METTL15: variants seen among roughly 807,000 people sequenced by gnomAD.
The protein encoded by METTL15 is methyltransferase 15, mitochondrial 12S rRNA N4-cytidine.
Under a neutral mutation model 38.3 loss-of-function variants are expected in METTL15, and 34 were observed. The observed-to-expected ratio is 0.89, with a 90% CI of 0.68 to 1.18. METTL15 has a LOEUF of 1.18. Among genes scored for constraint, METTL15 ranks in the 50% most tolerant of loss-of-function variants. METTL15 has a pLI of 0.00. For missense variants in METTL15, 438 were observed against 498.4 expected (o/e 0.88, Z 1.15); for synonymous variants, 162 against 170.9 (o/e 0.95, Z 0.41).
chr11:28,373,147 G>T (rs904672604), intron 5 of METTL15, among the ~76,000 whole-genome samples: 88 of 152,202 alleles, frequency 5.8e-4, no homozygotes, highest in African/African-American at 2.1e-3. Flanking sequence ...GTAATGGGAT[G>T]GCTGGGTCAA....
chr11:28,353,879 T>C (rs928493609), intron 4 of METTL15, among the ~76,000 whole-genome samples: 6 of 144,156 alleles, frequency 4.2e-5, no homozygotes, highest in Middle Eastern at 3.8e-3. Flanking sequence ...GAGCCGAGAT[T>C]GCGCCACTGC....
intron 6 of METTL15, among the ~76,000 whole-genome samples, chr11:28,298,497 T>A (rs1856813629): frequency 6.6e-6 from 1 of 152,114 alleles, no homozygotes; most frequent in Non-Finnish European, 1.5e-5. Flanking sequence ...AGCTCATGAA[T>A]TTAAGGCATA....
intron 4 of METTL15, among the ~76,000 whole-genome samples, chr11:28,355,137 G>A (rs967227648): frequency 3.9e-5 from 6 of 152,182 alleles, no homozygotes; most frequent in African/African-American, 1.4e-4. Flanking sequence ...ACTACACAAA[G>A]ACAAGGCTCA....
At chr11:28,220,901 C>T (rs1853178809) in intron 4 of METTL15, among the ~76,000 whole-genome samples, 1 of 152,226 alleles carries the variant, frequency 6.6e-6, no homozygotes, top group African/African-American at 2.4e-5. Context: ...CCACTCTCTT[C>T]TGGCTTGTAG....
chr11:28,238,697 G>A (rs893433099), intron 4 of METTL15, among the ~76,000 whole-genome samples: 3 of 152,190 alleles, frequency 2.0e-5, no homozygotes, highest in Non-Finnish European at 4.4e-5. Flanking sequence ...CGTCTCCTGC[G>A]TCGCTCACGC....
intron 3 of METTL15, among the ~76,000 whole-genome samples, chr11:28,117,539 T>G (rs1428968354): frequency 1.3e-5 from 2 of 151,906 alleles, no homozygotes; most frequent in African/African-American, 4.8e-5. Context: ...TAAAATTAGA[T>G]AATTCTACAA....
chr11:28,347,502 C>A (rs987691706), intron 3 of METTL15, among the ~76,000 whole-genome samples: 15 of 152,206 alleles, frequency 9.9e-5, no homozygotes, highest in African/African-American at 3.4e-4. Context: ...TAAACTCCTT[C>A]TGTATTCAAT....
At chr11:28,374,992 A>G (rs1167818307) in intron 5 of METTL15, among the ~76,000 whole-genome samples, 2 of 151,218 alleles carry the variant, frequency 1.3e-5, no homozygotes, top group Non-Finnish European at 1.5e-5. Flanking sequence ...ATATTGAACC[A>G]GCCTTGCATC....
chr11:28,214,733 G>A (rs1490280076), intron 4 of METTL15, among the ~76,000 whole-genome samples: 1 of 152,102 alleles, frequency 6.6e-6, no homozygotes, highest in African/African-American at 2.4e-5. Flanking sequence ...AATATTTTTT[G>A]AAGGTCTGAC....
At position 28,185,866 on chromosome 11, in the gene METTL15, G is replaced by A. The variant is rs1851474604; in HGVS notation, c.271-25196G>A. On this transcript the variant is annotated intron_variant, in intron 3 of 6. Transcript: ENST00000407364. Reference sequence around the variant, plus strand: ...TTTTCATGGAGTTTCTGATGTATTTGGGGAGATATAATTAATATATAAATA... The same window carrying A: ...TTTTCATGGAGTTTCTGATGTATTTAGGGAGATATAATTAATATATAAATA... Among the ~76,000 whole-genome samples the A allele has an allele frequency of 2.7e-5, 4 of 149,464 alleles. No individual in the cohort carries two copies. The South Asian group carries it at 8.4e-4, about 31-fold the overall frequency.
intron 4 of METTL15, among the ~76,000 whole-genome samples, chr11:28,285,903 T>C (rs1856242584): frequency 6.6e-6 from 1 of 152,114 alleles, no homozygotes; most frequent in Non-Finnish European, 1.5e-5. Context: ...TTGTGACTTG[T>C]GCCAATTTCT....
At position 28,239,052 on chromosome 11, in the gene METTL15, A is replaced by T. The variant is rs755141624; in HGVS notation, c.407+27854A>T. 2.6e-5 allele frequency among the ~76,000 whole-genome samples: 4 copies of T among 151,842 alleles called. No homozygotes were observed. The South Asian group carries it at 6.2e-4, about 24-fold the overall frequency. On this transcript the variant is annotated intron_variant, in intron 4 of 6. Coordinates refer to ENST00000407364, the MANE Select transcript of METTL15 (RefSeq NM_001113528.2). ...TTTGTTCTTCTTCAGGGCTCATTCTACAGGCCTCTTTTCTATTTACACTCA... is the reference window on the plus strand; with the variant it reads ...TTTGTTCTTCTTCAGGGCTCATTCTTCAGGCCTCTTTTCTATTTACACTCA...
chr11:28,292,629 G>A lies in METTL15; in HGVS notation c.599+2232G>A, dbSNP rs573907270. ...TGTAGTTCTAGATGCCTGAGGAATC[G>A]CCACACTGACTTCTAAAATGGTTGA... On this transcript the variant is annotated intron_variant, in intron 5 of 6. Transcript: ENST00000407364. Among the ~76,000 whole-genome samples the A allele has an allele frequency of 5.3e-5, 8 of 152,166 alleles. No individual in the cohort carries two copies. The South Asian group carries it at 1.5e-3, about 28-fold the overall frequency.
intron 3 of METTL15, among the ~76,000 whole-genome samples, chr11:28,338,881 A>G (rs1262053265): frequency 6.6e-6 from 1 of 152,128 alleles, no homozygotes; most frequent in Non-Finnish European, 1.5e-5. Flanking sequence ...TAAGAAATCT[A>G]GGTGAAAGCA....
intron 3 of METTL15, among the ~76,000 whole-genome samples, chr11:28,119,626 G>A (rs893103557): frequency 2.0e-5 from 3 of 152,118 alleles, no homozygotes; most frequent in Non-Finnish European, 4.4e-5. Flanking sequence ...CCTATTTTAA[G>A]TTATAATGTT....
At chr11:28,296,706 C>A in intron 5 of METTL15, 47 bp from the exon 6 acceptor site, 1 of 1,595,648 alleles carries the variant, frequency 6.3e-7, no homozygotes. Flanking sequence ...CACGTCTTGT[C>A]AATGAGAACT....
intron 4 of METTL15, among the ~76,000 whole-genome samples, chr11:28,224,382 C>T (rs1436990578): frequency 6.6e-6 from 1 of 151,796 alleles, no homozygotes; most frequent in Non-Finnish European, 1.5e-5. Context: ...TATCTTTCCA[C>T]TTATTCTGGT....
At chr11:28,444,796 C>T (rs1851061892) in intron 6 of METTL15, among the ~76,000 whole-genome samples, 1 of 152,050 alleles carries the variant, frequency 6.6e-6, no homozygotes, top group African/African-American at 2.4e-5. Context: ...GGTTTACATT[C>T]TCACCGTAGC....
At chr11:28,242,907 C>T (rs534886373) in intron 4 of METTL15, among the ~76,000 whole-genome samples, 8 of 152,098 alleles carry the variant, frequency 5.3e-5, no homozygotes, top group African/African-American at 1.9e-4. Context: ...GACATTATAT[C>T]GCTTTAATAA....
Sources: allele counts gnomAD v4.1 joint callset (sites outside exome capture counted in the v4.1 genomes callset), GRCh38; gene constraint gnomAD v4.1.1; transcripts MANE v1.5; gene names NCBI Gene and HGNC (gene_info 2026-07-23, HGNC 2026-07-21).